The following RBFOX1 variants were observed in gnomAD, a reference collection of about 807,000 sequenced individuals.
RBFOX1 encodes RNA binding protein fox-1 homolog 1.
A neutral mutation model predicts 57.7 loss-of-function variants in RBFOX1; 8 were observed. The ratio of observed to expected loss-of-function variants is 0.14; its 90% confidence interval spans 0.08 to 0.25. RBFOX1 has a LOEUF of 0.25. RBFOX1 is among the 10% of genes least tolerant of loss of function. The pLI, the probability that RBFOX1 is intolerant of heterozygous loss-of-function variation, is 1.00. For synonymous variants in RBFOX1, 326 were observed against 222.4 expected (o/e 1.47, Z -4.15); for missense variants, 611 against 548.5 (o/e 1.11, Z -1.14).
intron 2 of RBFOX1, among the ~76,000 whole-genome samples, chr16:5,554,004 T>G (rs1304354984): frequency 6.6e-6 from 1 of 151,164 alleles, no homozygotes; most frequent in Non-Finnish European, 1.5e-5. Flanking sequence ...AGTCTTGCTG[T>G]TGTTGCCCAG....
chr16:7,258,685 A>C (rs2094796342), intron 4 of RBFOX1, among the ~76,000 whole-genome samples: 1 of 152,194 alleles, frequency 6.6e-6, no homozygotes, highest in Non-Finnish European at 1.5e-5. Flanking sequence ...AATGAACTGC[A>C]AAGGTCATGG....
chr16:5,787,041 C>T (rs900737456), intron 3 of RBFOX1, among the ~76,000 whole-genome samples: 27 of 152,106 alleles, frequency 1.8e-4, no homozygotes, highest in African/African-American at 6.0e-4. Flanking sequence ...GAGGCTGAGG[C>T]AGGAGAATTG....
At chr16:6,110,269 A>G (rs1329334324) in intron 1 of RBFOX1, among the ~76,000 whole-genome samples, 1 of 143,782 alleles carries the variant, frequency 7.0e-6, no homozygotes, top group African/African-American at 2.6e-5. Context: ...GGTCATTGTG[A>G]CTTCTTTGCA....
At chr16:7,421,423 C>G (rs1488978110) in intron 4 of RBFOX1, among the ~76,000 whole-genome samples, 1 of 152,170 alleles carries the variant, frequency 6.6e-6, no homozygotes, top group African/African-American at 2.4e-5. Context: ...GGCACCCATA[C>G]GTACACATAT....
chr16:5,997,663 A>T (rs557261348), intron 4 of RBFOX1, among the ~76,000 whole-genome samples: 1 of 152,328 alleles, frequency 6.6e-6, no homozygotes, highest in South Asian at 2.1e-4. Flanking sequence ...TATTGATTTC[A>T]GCTTTAAAGT....
intron 3 of RBFOX1, among the ~76,000 whole-genome samples, chr16:5,752,114 C>G (rs993016866): frequency 6.6e-6 from 1 of 152,134 alleles, no homozygotes; most frequent in Non-Finnish European, 1.5e-5. Flanking sequence ...AGATCATGTC[C>G]TTTGCAGGAA....
chr16:6,399,625 CA>C (rs2092987515), intron 2 of RBFOX1, among the ~76,000 whole-genome samples: 2 of 151,436 alleles, frequency 1.3e-5, no homozygotes, highest in Admixed American at 1.3e-4. Context: ...CAAACTGTTC[CA>C]ACCTCTGCCT....
At chr16:7,210,101 A>T (rs774323462) in intron 4 of RBFOX1, among the ~76,000 whole-genome samples, 1 of 152,210 alleles carries the variant, frequency 6.6e-6, no homozygotes, top group South Asian at 2.1e-4. Flanking sequence ...CAGTGTGTGC[A>T]TTGCTTGTCA....
chr16:7,144,642 C>T (rs138215910), intron 4 of RBFOX1, among the ~76,000 whole-genome samples: 15 of 152,056 alleles, frequency 9.9e-5, no homozygotes, highest in African/African-American at 3.4e-4. Context: ...CCATAGAGAG[C>T]CCTCCCTTCC....
chr16:6,336,887 A>G (rs762329170), intron 2 of RBFOX1, among the ~76,000 whole-genome samples: 47 of 152,338 alleles, frequency 3.1e-4, no homozygotes, highest in Non-Finnish European at 6.5e-4. Flanking sequence ...AAAAGAGCCT[A>G]GTCAGAGTTT....
intron 4 of RBFOX1, among the ~76,000 whole-genome samples, chr16:7,423,360 G>A (rs913303849): frequency 2.6e-5 from 4 of 152,028 alleles, no homozygotes; most frequent in Admixed American, 2.0e-4. Context: ...AAAGTTGTGG[G>A]GGGTGGGGGT....
At chr16:7,699,640 G>A (rs1426010337) in intron 14 of RBFOX1, among the ~76,000 whole-genome samples, 4 of 152,082 alleles carry the variant, frequency 2.6e-5, no homozygotes, top group East Asian at 3.9e-4. Context: ...CCAAAACTTA[G>A]TACAAAAATG....
rs540407850 is a variant in RBFOX1 at position 6,686,339 on chromosome 16, C to T, written c.-16+31689C>T. 1.9e-3 allele frequency among the ~76,000 whole-genome samples: 293 copies of T among 152,270 alleles called. 3 individuals are homozygous for T. Among genetic ancestry groups the T allele is most frequent in the Middle Eastern group, 0.017 (5 of 294 alleles). On this transcript the variant is annotated intron_variant, in intron 3 of 15. Coordinates refer to ENST00000550418, the MANE Select transcript of RBFOX1 (RefSeq NM_018723.4). The stretch of plus-strand genomic sequence containing the variant: ...GTGGGCTTAGTCTGAGCCCTCGCCC[C>T]TCCTCCTTTGCTTTATTGATGCTTC...
intron 1 of RBFOX1, among the ~76,000 whole-genome samples, chr16:6,063,466 C>G (rs2095714854): frequency 2.8e-5 from 1 of 35,822 alleles, no homozygotes; most frequent in South Asian, 8.8e-4. Context: ...CTTTCTCCGA[C>G]ACACACACAC....
At chr16:6,099,528 G>A (rs1189212635) in intron 1 of RBFOX1, among the ~76,000 whole-genome samples, 1 of 152,096 alleles carries the variant, frequency 6.6e-6, no homozygotes, top group African/African-American at 2.4e-5. Flanking sequence ...GGTCTGAGGG[G>A]ATGGGGAAGT....
At chr16:6,387,577 A>G (rs2092364748) in intron 2 of RBFOX1, among the ~76,000 whole-genome samples, 1 of 152,194 alleles carries the variant, frequency 6.6e-6, no homozygotes, top group Non-Finnish European at 1.5e-5. Flanking sequence ...TTATAGGCTC[A>G]TAAAACAGGC....
intron 1 of RBFOX1, among the ~76,000 whole-genome samples, chr16:6,148,414 G>T (rs1050739533): frequency 6.6e-6 from 1 of 152,134 alleles, no homozygotes; most frequent in Non-Finnish European, 1.5e-5. Context: ...AACTCCTCAA[G>T]CTCATTCTAG....
At chr16:5,414,146 T>C (rs1400085782) in intron 1 of RBFOX1, among the ~76,000 whole-genome samples, 1 of 152,182 alleles carries the variant, frequency 6.6e-6, no homozygotes, top group African/African-American at 2.4e-5. Flanking sequence ...ACCGTGGTTC[T>C]AACAATCATT....
At chr16:7,390,946 C>G (rs569055326) in intron 4 of RBFOX1, among the ~76,000 whole-genome samples, 1 of 151,896 alleles carries the variant, frequency 6.6e-6, no homozygotes, top group African/African-American at 2.4e-5. Context: ...TTTTTACTGC[C>G]TGTTTTGCTT....
Sources: gnomAD v4.1 joint callset for allele counts (sites outside exome capture counted in the v4.1 genomes callset) on GRCh38, gnomAD v4.1.1 for gene constraint, MANE v1.5 for transcripts, NCBI Gene and HGNC (gene_info 2026-07-23, HGNC 2026-07-21) for gene names.